Variants in PLEKHM3 observed in about 807,000 individuals in gnomAD.
The protein encoded by PLEKHM3 is pleckstrin homology domain-containing family M member 3.
A neutral mutation model predicts 81.8 loss-of-function variants in PLEKHM3; 45 were observed. The ratio of observed to expected loss-of-function variants is 0.55; its 90% CI spans 0.43 to 0.71. The LOEUF (loss-of-function observed/expected upper bound fraction) is 0.71, where lower values mean the gene tolerates loss of function less well. PLEKHM3 is among the 30% of genes least tolerant of loss of function. The pLI is 0.00. For synonymous variants in PLEKHM3, 352 were observed against 356.4 expected (o/e 0.99, Z 0.14); for missense variants, 788 against 924.3 (o/e 0.85, Z 1.91).
chr2:207,969,066 A>G (rs773235078), intron 3 of PLEKHM3, among the ~76,000 whole-genome samples: 3 of 152,206 alleles, frequency 2.0e-5, no homozygotes, highest in African/African-American at 7.2e-5. Flanking sequence ...AGGAAAGTCA[A>G]TTTCCTTATT....
At chr2:207,867,821 C>G (rs1236978668) in intron 6 of PLEKHM3, among the ~76,000 whole-genome samples, 2 of 152,040 alleles carry the variant, frequency 1.3e-5, no homozygotes, top group Non-Finnish European at 2.9e-5. Context: ...CTCCCACTTC[C>G]TAGCCATCTC....
In PLEKHM3 at chr2:207,946,485, T is replaced by C. The variant is rs759054324; in HGVS notation, c.1574A>G (p.Asn525Ser). 3 of 1,614,172 alleles carry C rather than the reference T, an allele frequency of 1.9e-6. No individual in the cohort carries two copies. The highest frequency in any genetic ancestry group is 1.7e-5 in the Admixed American group (1 of 60,022). The change falls in exon 4 of 8, where the codon AAT (asparagine) becomes AGT (serine). Residue 525 changes from asparagine to serine, a missense_variant. By Grantham distance (46) the Asn-to-Ser change is conservative. Transcript: ENST00000427836. ...GTAGTTGCACACCTTGGCTTTCCCA[T>C]TGGAAAGACCTATGGATCGCTGGCA... is the stretch of plus-strand genomic sequence containing the variant. ...AGCQRSIGLS[N>S]GKAKVCNYSG... is the part of the protein sequence containing the mutation.
Position 208,005,987 on chromosome 2 carries a change from C to T in PLEKHM3, c.-318-4030G>A, listed in dbSNP as rs1278955384. Among the ~76,000 whole-genome samples, 3 of 152,266 alleles carry T rather than the reference C, an allele frequency of 2.0e-5. No individual in the cohort carries two copies. The East Asian group carries it at 5.8e-4, about 29-fold the overall frequency. ...TGGGACAAAAGCATAAGAGCCCTTC[C>T]TAGTCGGTCAGGCTCTCATAGCACC... On this transcript the variant is annotated intron_variant, in intron 1 of 7. Coordinates refer to ENST00000427836, the MANE Select transcript of PLEKHM3 (RefSeq NM_001080475.3).
chr2:207,972,492 C>T (rs759787346), intron 3 of PLEKHM3, among the ~76,000 whole-genome samples: 2 of 149,116 alleles, frequency 1.3e-5, no homozygotes, highest in Non-Finnish European at 3.0e-5. Flanking sequence ...AAGGATGAGG[C>T]AAGAGAATCA....
chr2:207,965,114 T>C (rs772032023), intron 3 of PLEKHM3, among the ~76,000 whole-genome samples: 1 of 152,166 alleles, frequency 6.6e-6, no homozygotes, highest in Non-Finnish European at 1.5e-5. Context: ...AAAAGCTTAG[T>C]TTTTCAAGGA....
In PLEKHM3 at chr2:207,852,748, A is replaced by G. The variant is rs1273147777; in HGVS notation, c.2108+8357T>C. 3.6e-5 allele frequency: 15 copies of G among 413,756 alleles called. No individual in the cohort carries two copies. In the East Asian group the frequency reaches 1.1e-3, roughly 30 times the overall value. 25.6% of individuals were successfully genotyped at this position (413,756 alleles called of 1,614,324 possible). A position where few individuals can be genotyped will look rare whatever the true frequency, so the allele number is the denominator to read the frequency against. On this transcript the variant is annotated intron_variant, in intron 7 of 7. Coordinates refer to ENST00000427836, the MANE Select transcript of PLEKHM3 (RefSeq NM_001080475.3). Reference sequence around the variant, plus strand: ...AAAACTTCCTTTGGGTACCCTGTTCACTATATAGGTGATGGGATCAATGAA... The same window carrying G: ...AAAACTTCCTTTGGGTACCCTGTTCGCTATATAGGTGATGGGATCAATGAA...
intron 6 of PLEKHM3, among the ~76,000 whole-genome samples, chr2:207,896,101 C>T (rs1276632847): frequency 3.3e-5 from 5 of 152,178 alleles, no homozygotes; most frequent in Non-Finnish European, 5.9e-5. Context: ...AGCAGATACA[C>T]GCAGAAAGAC....
chr2:207,976,827 A>G lies in PLEKHM3; in HGVS notation c.1370T>C (p.Val457Ala), dbSNP rs748779631. 27 of 1,614,250 alleles carry G rather than the reference A, an allele frequency of 1.7e-5. No individual in the cohort carries two copies. Among genetic ancestry groups the G allele is most frequent in the Non-Finnish European group, 5.1e-6 (6 of 1,180,050 alleles). ...WMEALKIAANVARSSEQNLQV... is the reference protein window; with the variant it reads ...WMEALKIAANAARSSEQNLQV... Reference sequence around the variant, plus strand: ...CAGGTTTTGCTCTGAACTCCTCGCCACATTGGCAGCTATCTTCAGAGCCTC... The same window carrying G: ...CAGGTTTTGCTCTGAACTCCTCGCCGCATTGGCAGCTATCTTCAGAGCCTC... The change falls in exon 3 of 8, where the codon GTG (valine) becomes GCG (alanine). Residue 457 changes from valine (V) to alanine (A), a missense_variant. Transcript: ENST00000427836. The surrounding 1 kb of genome is among the most constrained non-coding windows in gnomAD (Gnocchi z 4.1).
intron 3 of PLEKHM3, among the ~76,000 whole-genome samples, chr2:207,952,908 C>G (rs1319653935): frequency 6.6e-6 from 1 of 152,188 alleles, no homozygotes; most frequent in African/African-American, 2.4e-5. Flanking sequence ...TGATCCAATA[C>G]TTTTTGCATC....
At chr2:207,853,287 C>T (rs1399392120) in intron 7 of PLEKHM3, among the ~76,000 whole-genome samples, 2 of 151,702 alleles carry the variant, frequency 1.3e-5, no homozygotes, top group African/African-American at 4.8e-5. Flanking sequence ...TGTCTTGGCA[C>T]ATGCTTGTAA....
chr2:207,965,202 G>C (rs1690870774), intron 3 of PLEKHM3, among the ~76,000 whole-genome samples: 1 of 152,156 alleles, frequency 6.6e-6, no homozygotes, highest in African/African-American at 2.4e-5. Flanking sequence ...TTCTCTCCCA[G>C]TGAAAGGTCA....
chr2:207,982,239 C>T (rs369685735), intron 2 of PLEKHM3, among the ~76,000 whole-genome samples: 1 of 127,336 alleles, frequency 7.9e-6, no homozygotes, highest in Non-Finnish European at 1.6e-5. Flanking sequence ...CTCACTCCCC[C>T]CCTCGCTCCC....
At chr2:207,875,743 T>A (rs1273596036) in intron 6 of PLEKHM3, among the ~76,000 whole-genome samples, 1 of 152,100 alleles carries the variant, frequency 6.6e-6, no homozygotes, top group Non-Finnish European at 1.5e-5. Flanking sequence ...GAGGCTGAAG[T>A]GGGAGTATCC....
At chr2:207,831,829 C>T (rs1156721850) in intron 7 of PLEKHM3, among the ~76,000 whole-genome samples, 1 of 152,196 alleles carries the variant, frequency 6.6e-6, no homozygotes, top group Non-Finnish European at 1.5e-5. Flanking sequence ...TGGCTTTGTC[C>T]CCACTGGTCA....
intron 2 of PLEKHM3, among the ~76,000 whole-genome samples, chr2:207,979,309 T>TG (rs1199345210): frequency 1.3e-5 from 2 of 151,642 alleles, no homozygotes; most frequent in African/African-American, 4.8e-5. Flanking sequence ...CCGAGGAGGG[T>TG]GGATCACCTG....
rs539952269 is a variant in PLEKHM3, at chr2:207,947,815, G to A, written c.1547-1303C>T. Among the ~76,000 whole-genome samples, 6 of 152,190 alleles carry A rather than the reference G, an allele frequency of 3.9e-5. No homozygotes were observed. The East Asian group carries it at 5.8e-4, about 15-fold the overall frequency. ...AGGAGGTCAAATACATTTACTTAAC[G>A]AACTACCAACCTAAGAAGATTCTGA... On this transcript the variant is annotated intron_variant, in intron 3 of 7. Transcript: ENST00000427836.
intron 7 of PLEKHM3, among the ~76,000 whole-genome samples, chr2:207,831,119 G>C (rs1366937938): frequency 1.3e-5 from 2 of 152,242 alleles, no homozygotes; most frequent in Non-Finnish European, 2.9e-5. Flanking sequence ...TTAGTGAACA[G>C]CAAGGACTGC....
At chr2:207,875,583 G>C (rs539152258) in intron 6 of PLEKHM3, among the ~76,000 whole-genome samples, 12 of 152,308 alleles carry the variant, frequency 7.9e-5, no homozygotes, top group Non-Finnish European at 1.5e-4. Context: ...ATTCACACAA[G>C]TGTACAGGGA....
intron 5 of PLEKHM3, among the ~76,000 whole-genome samples, chr2:207,917,554 CT>C (rs1385465483): frequency 6.7e-6 from 1 of 149,170 alleles, no homozygotes; most frequent in African/African-American, 2.5e-5. Context: ...AAGAGTTAGG[CT>C]GCCCTGGCCA....
Sources: allele counts gnomAD v4.1 joint callset (sites outside exome capture counted in the v4.1 genomes callset), GRCh38; gene constraint gnomAD v4.1.1; non-coding constraint Gnocchi (gnomAD v3.1); transcripts MANE v1.5; gene names NCBI Gene and HGNC (gene_info 2026-07-23, HGNC 2026-07-21).